Variants in PTPRD observed in about 807,000 individuals in gnomAD.
PTPRD encodes protein tyrosine phosphatase receptor type D.
Under a neutral mutation model 214.5 loss-of-function variants are expected in PTPRD, and 34 were observed. The ratio of observed to expected loss-of-function variants is 0.16; its 90% CI spans 0.12 to 0.21. The LOEUF is 0.21. Ranked by LOEUF, PTPRD falls within the 10% of genes least tolerant of loss-of-function variation. PTPRD has a pLI of 1.00. For missense variants in PTPRD, 2,545 were observed against 2,398.7 expected (o/e 1.06, Z -1.27); for synonymous variants, 1,128 against 845.7 (o/e 1.33, Z -5.79).
chr9:10,391,938 C>G (rs2098075349), intron 2 of PTPRD, among the ~76,000 whole-genome samples: 1 of 151,726 alleles, frequency 6.6e-6, no homozygotes, highest in Non-Finnish European at 1.5e-5. Flanking sequence ...TCACAAGTTT[C>G]ACTTCATACC....
At chr9:9,943,099 T>G (rs954717089) in intron 4 of PTPRD, among the ~76,000 whole-genome samples, 1 of 152,258 alleles carries the variant, frequency 6.6e-6, no homozygotes, top group Middle Eastern at 3.4e-3. Context: ...CCAAGTCTCC[T>G]TGGTCCTGAG....
At chr9:8,605,849 CCAG>C (rs2095176849) in intron 14 of PTPRD, among the ~76,000 whole-genome samples, 1 of 152,130 alleles carries the variant, frequency 6.6e-6, no homozygotes, top group African/African-American at 2.4e-5. Context: ...GATCATCCTA[CCAG>C]CTATTACAGC....
At chr9:10,239,675 T>TA (rs2099640767) in intron 3 of PTPRD, among the ~76,000 whole-genome samples, 1 of 148,844 alleles carries the variant, frequency 6.7e-6, no homozygotes, top group South Asian at 2.2e-4. Context: ...GGTGTGACAC[T>TA]ATAGGAAATA....
chr9:8,621,015 A>G (rs1297604528), intron 14 of PTPRD, among the ~76,000 whole-genome samples: 2 of 152,072 alleles, frequency 1.3e-5, no homozygotes, highest in African/African-American at 4.8e-5. Context: ...AAACAAATGC[A>G]AAAATCTTAT....
intron 5 of PTPRD, among the ~76,000 whole-genome samples, chr9:9,842,599 T>C (rs965968498): frequency 2.6e-5 from 4 of 151,934 alleles, no homozygotes; most frequent in Non-Finnish European, 4.4e-5. Flanking sequence ...AAACCTGATA[T>C]TCTGATTATG....
intron 3 of PTPRD, among the ~76,000 whole-genome samples, chr9:10,118,892 AAATAAAT>A (rs1341104076): frequency 6.0e-5 from 9 of 149,040 alleles, no homozygotes; most frequent in South Asian, 2.1e-4. Context: ...ATAAATAAAT[AAATAAAT>A]AATAATAAAG....
At chr9:9,518,812 G>C (rs114879808) in intron 8 of PTPRD, among the ~76,000 whole-genome samples, 3,198 of 152,044 alleles carry the variant, frequency 0.021, 129 homozygotes, top group African/African-American at 0.072. Context: ...GATTCACCTA[G>C]GAGGCAGGTA....
chr9:8,451,424 G>T (rs1206169066), intron 33 of PTPRD, among the ~76,000 whole-genome samples: 2 of 151,912 alleles, frequency 1.3e-5, no homozygotes, highest in African/African-American at 4.8e-5. Flanking sequence ...GGAGTAGAAA[G>T]GAAGAAGAAA....
intron 2 of PTPRD, among the ~76,000 whole-genome samples, chr9:10,409,214 T>C (rs927726334): frequency 1.3e-5 from 2 of 151,834 alleles, no homozygotes; most frequent in African/African-American, 4.8e-5. Context: ...ATATAGAGTA[T>C]GACTTGTTAA....
chr9:10,123,870 T>C (rs2098795707), intron 3 of PTPRD, among the ~76,000 whole-genome samples: 1 of 152,166 alleles, frequency 6.6e-6, no homozygotes, highest in South Asian at 2.1e-4. Flanking sequence ...GTCACATCCA[T>C]AGTGCTAAGT....
intron 10 of PTPRD, among the ~76,000 whole-genome samples, chr9:9,172,392 A>AT (rs887098946): frequency 2.4e-4 from 36 of 152,212 alleles, no homozygotes; most frequent in Admixed American, 9.8e-4. Flanking sequence ...AAATATAACT[A>AT]TTTTTATCTC....
intron 11 of PTPRD, among the ~76,000 whole-genome samples, chr9:8,841,079 C>G (rs1356595683): frequency 6.6e-6 from 1 of 152,170 alleles, no homozygotes; most frequent in East Asian, 1.9e-4. Flanking sequence ...ACTATTAAAT[C>G]TTTCTGGGGT....
chr9:9,259,873 A>G (rs2099979334), intron 9 of PTPRD, among the ~76,000 whole-genome samples: 1 of 151,868 alleles, frequency 6.6e-6, no homozygotes, highest in Admixed American at 6.6e-5. Context: ...CTGAGCATCT[A>G]GGGAAGATGA....
rs1284775964 is a variant in PTPRD at position 10,080,377 on chromosome 9, G to C, written c.-544-46587C>G. The stretch of plus-strand genomic sequence containing the variant: ...GTGAAATGTTAACACTGTATGCAGA[G>C]TACATGTGATAGGGAGGCATTGGTA... On this transcript the variant is annotated intron_variant, in intron 3 of 45. Transcript: ENST00000381196. Among the ~76,000 whole-genome samples the C allele has an allele frequency of 3.9e-5, 6 of 152,066 alleles. 1 individual carries two copies. In the South Asian group the frequency reaches 1.2e-3, roughly 31 times the overall value.
intron 10 of PTPRD, among the ~76,000 whole-genome samples, chr9:9,128,617 A>G (rs1408551784): frequency 6.6e-6 from 1 of 152,234 alleles, no homozygotes; most frequent in Admixed American, 6.5e-5. Flanking sequence ...TTAAAAATAT[A>G]TCAGCTTTCT....
intron 11 of PTPRD, among the ~76,000 whole-genome samples, chr9:8,924,200 T>C (rs1029058937): frequency 4.0e-5 from 6 of 151,624 alleles, no homozygotes; most frequent in Non-Finnish European, 7.4e-5. Flanking sequence ...AAGTCTACAG[T>C]ACTGAAAAAG....
chr9:10,223,615 G>A (rs948833150), intron 3 of PTPRD, among the ~76,000 whole-genome samples: 1 of 150,466 alleles, frequency 6.6e-6, no homozygotes, highest in African/African-American at 2.4e-5. Flanking sequence ...ATTGAGCCAA[G>A]ATCACAATCA....
chr9:10,407,132 G>A (rs561178569), intron 2 of PTPRD, among the ~76,000 whole-genome samples: 196 of 151,578 alleles, frequency 1.3e-3, no homozygotes, highest in African/African-American at 4.3e-3. Context: ...CTCTGATACC[G>A]GGCAGACATG....
intron 3 of PTPRD, among the ~76,000 whole-genome samples, chr9:10,098,311 G>T (rs1219087468): frequency 2.0e-5 from 3 of 147,898 alleles, no homozygotes; most frequent in Non-Finnish European, 4.5e-5. Flanking sequence ...CATGGACACA[G>T]GAAGGGGAAC....
Sources: gnomAD v4.1 joint callset for allele counts (sites outside exome capture counted in the v4.1 genomes callset) on GRCh38, gnomAD v4.1.1 for gene constraint, MANE v1.5 for transcripts, NCBI Gene and HGNC (gene_info 2026-07-23, HGNC 2026-07-21) for gene names.